The following CLPX variants were observed in gnomAD, a reference collection of about 807,000 sequenced individuals.
The protein encoded by CLPX is caseinolytic mitochondrial matrix peptidase chaperone subunit X, also known as ATP-dependent clpX-like chaperone, mitochondrial.
CLPX carries 34 observed loss-of-function variants against 76.4 expected under a neutral mutation model. That is an observed-to-expected ratio of 0.45 (90% CI 0.34 to 0.59). The LOEUF is 0.59. Among genes scored for constraint, CLPX ranks in the 20% least tolerant of loss-of-function variants. The pLI, the probability that CLPX is intolerant of heterozygous loss-of-function variation, is 0.01. For synonymous variants in CLPX, 248 were observed against 270.9 expected, an observed-to-expected ratio of 0.92 and a Z score of 0.83; for missense variants, 613 against 757.0, an observed-to-expected ratio of 0.81 and a Z score of 2.23.
intron 3 of CLPX, among the ~76,000 whole-genome samples, chr15:65,169,092 C>T (rs905933817): frequency 1.3e-5 from 2 of 150,352 alleles, no homozygotes; most frequent in African/African-American, 4.9e-5. Flanking sequence ...GGTACAATCT[C>T]GCCTCACTGC....
chr15:65,176,034 T>C (rs570208058), intron 3 of CLPX, among the ~76,000 whole-genome samples: 50 of 152,362 alleles, frequency 3.3e-4, no homozygotes, highest in African/African-American at 1.2e-3. Context: ...GCTCTTTTTT[T>C]CATTCTTTCC....
At chr15:65,163,441 A>T (rs2087875937) in intron 5 of CLPX, among the ~76,000 whole-genome samples, 1 of 152,208 alleles carries the variant, frequency 6.6e-6, no homozygotes, top group South Asian at 2.1e-4. Context: ...CTGTACAGTG[A>T]TAACTAAAAG....
chr15:65,179,992 TA>T, intron 2 of CLPX, 51 bp downstream of exon 2: 1 of 1,358,264 alleles, frequency 7.4e-7, no homozygotes, highest in Non-Finnish European at 1.0e-6. Flanking sequence ...TATATTTTTT[TA>T]AAGGAGGGAA....
chr15:65,171,240 A>C (rs2088001668), intron 3 of CLPX, among the ~76,000 whole-genome samples: 1 of 152,096 alleles, frequency 6.6e-6, no homozygotes, highest in African/African-American at 2.4e-5. Context: ...TAAGGTCAGG[A>C]GTTCAAGACC....
chr15:65,185,036 C>G (rs527282640), intron 1 of CLPX, 39 bp downstream of exon 1: 3 of 1,510,746 alleles, frequency 2.0e-6, no homozygotes, highest in African/African-American at 1.4e-5. Flanking sequence ...ACCCCCCCCC[C>G]GACAGGCTGA....
intron 4 of CLPX, among the ~76,000 whole-genome samples, chr15:65,165,029 T>C (rs959794931): frequency 9.9e-5 from 15 of 152,202 alleles, no homozygotes; most frequent in African/African-American, 3.4e-4. Context: ...AATGAAATGG[T>C]TGGTGAATTA....
Position 65,149,220 on chromosome 15 carries a change from C to T in CLPX, c.*1603G>A, listed in dbSNP as rs141855533. The T allele has an allele frequency of 2.0e-4, 31 of 156,208 alleles. No individual in the cohort carries two copies. In the East Asian group the frequency reaches 4.7e-3, roughly 24 times the overall value. 9.7% of individuals were successfully genotyped at this position (156,208 alleles called of 1,614,324 possible). A position where few individuals can be genotyped will look rare whatever the true frequency, so the allele number is the denominator to read the frequency against. ...CTGGCTGGATGCGGTGGCTCATGCC[C>T]GTAATTCTAGCACTTTCAGAGGCCA... On this transcript the variant is annotated 3_prime_UTR_variant, in exon 14 of 14. Coordinates refer to ENST00000300107, the MANE Select transcript of CLPX (RefSeq NM_006660.5).
intron 1 of CLPX, 46 bp downstream of exon 1, chr15:65,185,029 C>T (rs768594822): frequency 8.0e-6 from 12 of 1,493,268 alleles, no homozygotes; most frequent in Middle Eastern, 1.7e-4. Context: ...CCAGTCCACC[C>T]CCCCCCCGAC....
chr15:65,176,576 TTC>T (rs1175119601), intron 3 of CLPX, among the ~76,000 whole-genome samples: 1 of 152,026 alleles, frequency 6.6e-6, no homozygotes, highest in Non-Finnish European at 1.5e-5. Context: ...TAAGAAATTA[TTC>T]TTTTTTCTTT....
intron 1 of CLPX, among the ~76,000 whole-genome samples, chr15:65,184,752 G>A (rs1284789173): frequency 6.6e-6 from 1 of 152,274 alleles, no homozygotes; most frequent in Non-Finnish European, 1.5e-5. Flanking sequence ...GGGATCTGGA[G>A]ACATTTTTTA....
chr15:65,159,938 G>A (rs553830960), intron 6 of CLPX, among the ~76,000 whole-genome samples: 13 of 151,584 alleles, frequency 8.6e-5, no homozygotes, highest in African/African-American at 2.4e-4. Flanking sequence ...TCAGCATCCC[G>A]AGTAGTTGGG....
chr15:65,155,692 C>A lies in CLPX; in HGVS notation c.1311G>T (p.Lys437Asn). ...DRIISRRKNE[K>N]YLGFGTPSNL... ...CTAGTAACCCCTCAGAAAAACTTAC[C>A]TTTTCATTTTTCCTCCTGCTGATGA... The change falls in exon 10 of 14, where the codon AAG (lysine) becomes AAT (asparagine). Residue 437 changes from lysine (K) to asparagine (N), a missense_variant and splice_region_variant. By Grantham distance (94) the Lys-to-Asn change is moderately conservative. Transcript: ENST00000300107. 6.2e-7 allele frequency: 1 copy of A among 1,610,074 alleles called. No individual in the cohort carries two copies. The highest frequency in any genetic ancestry group is 8.5e-7 in the Non-Finnish European group (1 of 1,177,846).
In CLPX at chr15:65,185,310, T is replaced by G. The variant is rs1379753850; in HGVS notation, c.-157A>C. 8.2e-6 allele frequency: 5 copies of G among 606,574 alleles called. No individual in the cohort carries two copies. In the Admixed American group the frequency reaches 1.5e-4, roughly 18 times the overall value. 37.6% of individuals were successfully genotyped at this position (606,574 alleles called of 1,614,324 possible). A position where few individuals can be genotyped will look rare whatever the true frequency, so the allele number is the denominator to read the frequency against. Reference sequence around the variant, plus strand: ...CTGCCCGGCAGCCAGGCCTTCACGCTTCTCTGCCCCACAGCCGTCTATTCA... The same window carrying G: ...CTGCCCGGCAGCCAGGCCTTCACGCGTCTCTGCCCCACAGCCGTCTATTCA... On this transcript the variant is annotated 5_prime_UTR_variant, in exon 1 of 14. Coordinates refer to ENST00000300107, the MANE Select transcript of CLPX (RefSeq NM_006660.5).
At chr15:65,174,316 G>A (rs1051800566) in intron 3 of CLPX, among the ~76,000 whole-genome samples, 1 of 151,322 alleles carries the variant, frequency 6.6e-6, no homozygotes, top group African/African-American at 2.4e-5. Context: ...CCAGGCTGGA[G>A]TGCAGTGGTG....
rs148135934 is a variant in CLPX at position 65,178,965 on chromosome 15, G to A, written c.327C>T (p.Gly109=). ...GGNQLRCPKC[G]DLCTHVETFV... ...AGGTCTCTACATGTGTGCACAAGTC[G>A]CCACATTTAGGACAGCGCAGCTGGT... The change falls in exon 3 of 14, where the codon GGC becomes GGT. Residue 109 remains glycine, a synonymous_variant. Transcript: ENST00000300107. 145 of 1,607,206 alleles carry A rather than the reference G, an allele frequency of 9.0e-5. No individual in the cohort carries two copies. Among genetic ancestry groups the A allele is most frequent in the Middle Eastern group, 6.6e-4 (4 of 6,058 alleles).
chr15:65,178,795 C>CTT (rs2088123541), intron 3 of CLPX, 139 bp downstream of exon 3: 1 of 384,044 alleles, frequency 2.6e-6, no homozygotes, highest in South Asian at 7.5e-5. Flanking sequence ...CTCCTCCTTC[C>CTT]AAAGTGCTAG....
intron 3 of CLPX, among the ~76,000 whole-genome samples, chr15:65,175,104 T>C (rs1397911125): frequency 6.6e-6 from 1 of 152,170 alleles, no homozygotes; most frequent in Non-Finnish European, 1.5e-5. Flanking sequence ...AGTAGACAAT[T>C]ACTTAAACAG....
At chr15:65,176,172 T>G (rs1461470127) in intron 3 of CLPX, among the ~76,000 whole-genome samples, 1 of 152,234 alleles carries the variant, frequency 6.6e-6, no homozygotes, top group Non-Finnish European at 1.5e-5. Context: ...ATACATATAC[T>G]ACTAACATAC....
chr15:65,171,056 C>T (rs1435568958), intron 3 of CLPX, among the ~76,000 whole-genome samples: 1 of 151,814 alleles, frequency 6.6e-6, no homozygotes, highest in Non-Finnish European at 1.5e-5. Context: ...CTTCTGACCT[C>T]ATGAAACACC....
Sources: gnomAD v4.1 joint callset for allele counts (sites outside exome capture counted in the v4.1 genomes callset) on GRCh38, gnomAD v4.1.1 for gene constraint, MANE v1.5 for transcripts, NCBI Gene and HGNC (gene_info 2026-07-23, HGNC 2026-07-21) for gene names.